Variants in DNAH17 observed in about 807,000 individuals in gnomAD.
DNAH17 encodes axonemal beta dynein heavy chain 17.
A neutral mutation model predicts 485.6 loss-of-function variants in DNAH17; 376 were observed. The ratio of observed to expected loss-of-function variants is 0.77; its 90% CI spans 0.71 to 0.84. DNAH17 has a LOEUF of 0.84. Ranked by LOEUF, DNAH17 falls within the 40% of genes least tolerant of loss-of-function variation. DNAH17 has a pLI of 0.00. For missense variants in DNAH17, 6,370 were observed against 5,839.3 expected (o/e 1.09, Z -2.96); for synonymous variants, 3,031 against 2,405.9 (o/e 1.26, Z -7.60).
Position 78,568,052 on chromosome 17 carries a change from C to T in DNAH17, c.1285-886G>A, listed in dbSNP as rs576752270. ...AACACCACCCCGAGGAGACAGGCAC[C>T]GAGGACCAGGAGCTCTTGGCTCTTC... On this transcript the variant is annotated intron_variant, in intron 9 of 80. Transcript: ENST00000389840. Among the ~76,000 whole-genome samples, 62 of 152,298 alleles carry T rather than the reference C, an allele frequency of 4.1e-4. 1 individual carries two copies. Among genetic ancestry groups the T allele is most frequent in the South Asian group, 1.2e-3 (6 of 4,830 alleles).
chr17:78,481,261 C>A (rs545229718), intron 48 of DNAH17, among the ~76,000 whole-genome samples: 2 of 151,480 alleles, frequency 1.3e-5, no homozygotes, highest in East Asian at 1.9e-4. Context: ...CGCCACCATG[C>A]CTGGCTAATT....
Position 78,515,008 on chromosome 17 carries a change from G to C in DNAH17, c.3879C>G (p.Ile1293Met). 1.2e-6 allele frequency: 2 copies of C among 1,613,852 alleles called. No homozygotes were observed. Among genetic ancestry groups the C allele is most frequent in the African/African-American group, 2.7e-5 (2 of 75,026 alleles). Residue 1293 changes from isoleucine (I) to methionine (M), a missense_variant, in exon 26 of 81, where the codon ATC (isoleucine) becomes ATG (methionine). Coordinates refer to ENST00000389840, the MANE Select transcript of DNAH17 (RefSeq NM_173628.4). ...WDMVVVVNTS[I>M]EDWKTTKWKD... ...TCCACTTGGTGGTCTTCCAGTCCTC[G>C]ATGCTGGTATTTACCTGAAACGAAA...
intron 13 of DNAH17, among the ~76,000 whole-genome samples, chr17:78,560,020 C>T (rs2092117844): frequency 6.6e-6 from 1 of 152,148 alleles, no homozygotes; most frequent in Non-Finnish European, 1.5e-5. Flanking sequence ...TTAACCTGCC[C>T]TTCCTGCTCT....
intron 61 of DNAH17, 144 bp downstream of exon 61, chr17:78,458,857 C>T (rs2087940933): frequency 9.2e-7 from 1 of 1,084,090 alleles, no homozygotes; most frequent in African/African-American, 1.6e-5. Flanking sequence ...ACCATCTGGC[C>T]CCTGCCTCTG....
At chr17:78,510,704 G>A in intron 26 of DNAH17, 198 bp from the exon 27 acceptor site, 1 of 641,910 alleles carries the variant, frequency 1.6e-6, no homozygotes, top group Non-Finnish European at 2.6e-6. Context: ...TTCCTTCCCT[G>A]TAAAACCGCA....
At position 78,561,797 on chromosome 17, in the gene DNAH17, CG is replaced by C; in HGVS notation, c.1752del (p.Val585TrpfsTer15). Reference sequence around the variant, plus strand: ...AGGCTCCATTTGAGCTGCCCGGCCACGGGAGGCATGTTTTTGTGGATCAGGG... The same window carrying C: ...AGGCTCCATTTGAGCTGCCCGGCCACGGAGGCATGTTTTTGTGGATCAGGG... Reference protein sequence around the residue: ...NIPLIHKNMPPVAGQLKWSLE... With the variant: ...NIPLIHKNMPXVAGQLKWSLE... On this transcript the variant is annotated frameshift_variant, in exon 12 of 81. Transcript: ENST00000389840. LOFTEE classifies it high-confidence loss of function. 6.2e-7 allele frequency: 1 copy of C among 1,613,704 alleles called. No individual in the cohort carries two copies. The highest frequency in any genetic ancestry group is 8.5e-7 in the Non-Finnish European group (1 of 1,179,786).
chr17:78,561,993 G>T lies in DNAH17; in HGVS notation c.1570-13C>A. On this transcript the variant is annotated splice_polypyrimidine_tract_variant and intron_variant, in intron 11 of 80. Transcript: ENST00000389840. The stretch of plus-strand genomic sequence containing the variant: ...ACATGTACAGGAGCTGAGGACAAAG[G>T]AGAAGGGGGCCTCTTCACCACAGTC... 1 of 1,563,708 alleles carries T rather than the reference G, an allele frequency of 6.4e-7. No homozygotes were observed.
Position 78,539,697 on chromosome 17 carries a change from T to C in DNAH17, c.2676+40A>G, listed in dbSNP as rs548614226. 5 of 1,491,478 alleles carry C rather than the reference T, an allele frequency of 3.4e-6. No homozygotes were observed. The East Asian group carries it at 9.6e-5, about 29-fold the overall frequency. 92.4% of individuals were successfully genotyped at this position (1,491,478 alleles called of 1,614,324 possible). A position where few individuals can be genotyped will look rare whatever the true frequency, so the allele number is the denominator to read the frequency against. Reference sequence around the variant, plus strand: ...AACTATAGATTCTAACAGATAAGAATACATATACATAAATATATTACCTTA... The same window carrying C: ...AACTATAGATTCTAACAGATAAGAACACATATACATAAATATATTACCTTA... On this transcript the variant is annotated intron_variant, in intron 18 of 80. Transcript: ENST00000389840.
At chr17:78,547,667 G>C (rs554544831) in intron 16 of DNAH17, among the ~76,000 whole-genome samples, 1 of 150,466 alleles carries the variant, frequency 6.6e-6, no homozygotes, top group African/African-American at 2.5e-5. Flanking sequence ...TCCCAGGCTG[G>C]AGTGCAGTGG....
At position 78,480,682 on chromosome 17, in the gene DNAH17, A is replaced by T. The variant is rs201018927; in HGVS notation, c.7752+2T>A. ...ACGGGGATGAGTATGGTTTCTGCTT[A>T]CCTGAAGCCTGGAGTCGATGGTGAA... On this transcript the variant is annotated splice_donor_variant, in intron 49 of 80. Transcript: ENST00000389840. LOFTEE classifies it high-confidence loss of function. The T allele has an allele frequency of 3.6e-4, 579 of 1,612,584 alleles. No homozygotes were observed. Among genetic ancestry groups the T allele is most frequent in the Non-Finnish European group, 4.6e-4 (538 of 1,179,184 alleles).
At chr17:78,554,470 A>AAAAAAAAAC (rs2091977475) in intron 14 of DNAH17, among the ~76,000 whole-genome samples, 1 of 111,158 alleles carries the variant, frequency 9.0e-6, no homozygotes, top group Non-Finnish European at 1.8e-5. Flanking sequence ...AAAAAAAAAA[A>AAAAAAAAAC]AGGATAGGTT....
At position 78,569,149 on chromosome 17, in the gene DNAH17, C is replaced by T. The variant is rs2092313310; in HGVS notation, c.1284+17G>A. ...TCTGGGAAGTGGAGGTCAAGATGCA[C>T]CGAGTTCTGTTTTTACCTCAATGGT... is the stretch of plus-strand genomic sequence containing the variant. On this transcript the variant is annotated intron_variant, in intron 9 of 80. Coordinates refer to ENST00000389840, the MANE Select transcript of DNAH17 (RefSeq NM_173628.4). The T allele has an allele frequency of 3.2e-6, 5 of 1,575,654 alleles. No homozygotes were observed. The highest frequency in any genetic ancestry group is 8.6e-7 in the Non-Finnish European group (1 of 1,158,154).
At position 78,468,770 on chromosome 17, in the gene DNAH17, C is replaced by G. The variant is rs1430780605; in HGVS notation, c.8625G>C (p.Leu2875=). ...GCCCAGGGATCTCTCCTGAGGCCAGCAGGTCATTGATCAGCACCAGAAACT... is the reference window on the plus strand; with the variant it reads ...GCCCAGGGATCTCTCCTGAGGCCAGGAGGTCATTGATCAGCACCAGAAACT... ...EEQFLVLIND[L]LASGEIPGLF... The change falls in exon 55 of 81, where the codon CTG becomes CTC. Residue 2875 remains leucine, a synonymous_variant. Transcript: ENST00000389840. 1 of 1,614,052 alleles carries G rather than the reference C, an allele frequency of 6.2e-7. No individual in the cohort carries two copies. The highest frequency in any genetic ancestry group is 2.2e-5 in the East Asian group (1 of 44,882).
At chr17:78,527,176 A>T (rs1477650392) in intron 22 of DNAH17, among the ~76,000 whole-genome samples, 180 bp from the exon 23 acceptor site, 1 of 152,168 alleles carries the variant, frequency 6.6e-6, no homozygotes, top group Non-Finnish European at 1.5e-5. Flanking sequence ...TGAGCCCAGG[A>T]GTTCGAGACC....
intron 11 of DNAH17, among the ~76,000 whole-genome samples, chr17:78,566,058 G>A (rs2092261192): frequency 6.6e-6 from 1 of 151,980 alleles, no homozygotes. Flanking sequence ...GCCATGTAAG[G>A]ACCAAATGAA....
chr17:78,427,149 G>C lies in DNAH17; in HGVS notation c.12589-41C>G, dbSNP rs1346559080. 3 of 1,549,404 alleles carry C rather than the reference G, an allele frequency of 1.9e-6. No homozygotes were observed. The South Asian group carries it at 3.6e-5, about 18-fold the overall frequency. On this transcript the variant is annotated intron_variant, in intron 77 of 80. Transcript: ENST00000389840. ...CGGACAGCCCCTGTCACTGCAAAGA[G>C]CCCACCCCACCCACTGCAGGGTCAG...
chr17:78,532,763 AG>A, intron 19 of DNAH17, 27 bp from the exon 20 acceptor site: 1 of 1,560,960 alleles, frequency 6.4e-7, no homozygotes, highest in Non-Finnish European at 8.7e-7. Flanking sequence ...AGAAGCAAAA[AG>A]GGGAGGTATG....
chr17:78,502,853 C>G (rs556187734), intron 32 of DNAH17, 33 bp downstream of exon 32: 3 of 1,605,996 alleles, frequency 1.9e-6, no homozygotes. Flanking sequence ...ATCTCAGCCA[C>G]GAGGCGCCGC....
chr17:78,459,423 C>T (rs988363366), intron 60 of DNAH17, among the ~76,000 whole-genome samples: 3 of 152,214 alleles, frequency 2.0e-5, no homozygotes, highest in Non-Finnish European at 4.4e-5. Context: ...CCAAGTCGGG[C>T]ACCAGGAGAC....
Sources: allele counts gnomAD v4.1 joint callset (sites outside exome capture counted in the v4.1 genomes callset), GRCh38; gene constraint gnomAD v4.1.1; transcripts MANE v1.5; gene names NCBI Gene and HGNC (gene_info 2026-07-23, HGNC 2026-07-21).